Variants in FYN observed in about 807,000 individuals in gnomAD.
The protein encoded by FYN is tyrosine-protein kinase Fyn.
In FYN, 10 loss-of-function variants were observed where a neutral mutation model predicts 70.2. The observed-to-expected ratio is 0.14, with a 90% confidence interval of 0.09 to 0.24. The LOEUF (loss-of-function observed/expected upper bound fraction) is 0.24, where lower values mean the gene tolerates loss of function less well. Among genes scored for constraint, FYN ranks in the 10% least tolerant of loss-of-function variants. The pLI is 1.00. For synonymous variants in FYN, 236 were observed against 248.6 expected, an observed-to-expected ratio of 0.95 and a Z score of 0.48; for missense variants, 319 against 673.1, an observed-to-expected ratio of 0.47 and a Z score of 5.82.
chr6:111,679,858 A>T (rs1447705787), intron 12 of FYN, among the ~76,000 whole-genome samples: 1 of 152,114 alleles, frequency 6.6e-6, no homozygotes, highest in African/African-American at 2.4e-5. Context: ...CTCTGAGGAC[A>T]AGGGGGCCCA....
At chr6:111,811,709 TTGTAGCC>T (rs1562530050) in intron 2 of FYN, among the ~76,000 whole-genome samples, 1 of 152,278 alleles carries the variant, frequency 6.6e-6, no homozygotes, top group East Asian at 1.9e-4. Flanking sequence ...AACCTACAAG[TTGTAGCC>T]TGGTTTAAAA....
At chr6:111,691,603 C>T (rs1039612396) in intron 12 of FYN, among the ~76,000 whole-genome samples, 1 of 152,138 alleles carries the variant, frequency 6.6e-6, no homozygotes, top group African/African-American at 2.4e-5. Context: ...CTTTCTGCCT[C>T]GTAAAGCAGC....
At chr6:111,813,645 C>G (rs1772395478) in intron 2 of FYN, among the ~76,000 whole-genome samples, 1 of 152,176 alleles carries the variant, frequency 6.6e-6, no homozygotes, top group Non-Finnish European at 1.5e-5. Context: ...CTTAAATCAG[C>G]TACTTTACCT....
At chr6:111,678,108 ATGTGTGTGTGTGTGTGTGTGTG>A (rs57015847) in intron 12 of FYN, among the ~76,000 whole-genome samples, 1 of 93,924 alleles carries the variant, frequency 1.1e-5, no homozygotes. Flanking sequence ...AGGCCATAAT[ATGTGTGTGTGTGTGTGTGTGTG>A]TGTGTGTGTG....
chr6:111,713,123 G>A (rs537587202), intron 5 of FYN, among the ~76,000 whole-genome samples: 12 of 152,182 alleles, frequency 7.9e-5, no homozygotes, highest in South Asian at 2.1e-4. Context: ...GAAGAGAGTC[G>A]TTGGCCCTTT....
At chr6:111,721,387 G>A (rs1443467593) in intron 3 of FYN, among the ~76,000 whole-genome samples, 1 of 152,204 alleles carries the variant, frequency 6.6e-6, no homozygotes, top group East Asian at 1.9e-4. Context: ...TGAAGATTCT[G>A]TAGCCTATTA....
At chr6:111,808,087 G>A (rs1240930312) in intron 2 of FYN, among the ~76,000 whole-genome samples, 3 of 151,966 alleles carry the variant, frequency 2.0e-5, no homozygotes, top group African/African-American at 7.2e-5. Context: ...CAGCCTGGGC[G>A]ATAGAGCAAC....
intron 8 of FYN, chr6:111,702,638 C>T (rs1799893997): frequency 8.2e-6 from 3 of 365,204 alleles, no homozygotes; most frequent in African/African-American, 6.3e-5. Flanking sequence ...TAACCTATTG[C>T]TTTCTACTTG....
chr6:111,679,658 C>T (rs1287709759), intron 12 of FYN, among the ~76,000 whole-genome samples: 1 of 152,096 alleles, frequency 6.6e-6, no homozygotes, highest in Non-Finnish European at 1.5e-5. Flanking sequence ...GGTGACAGCA[C>T]CAGTGTCACT....
chr6:111,693,210 AGAG>A (rs1169630046), intron 12 of FYN, among the ~76,000 whole-genome samples: 1 of 152,202 alleles, frequency 6.6e-6, no homozygotes, highest in Non-Finnish European at 1.5e-5. Context: ...GAAAGAATCA[AGAG>A]GAGGAGGAAC....
chr6:111,671,121 T>G (rs1349174922), intron 13 of FYN, among the ~76,000 whole-genome samples: 6 of 152,248 alleles, frequency 3.9e-5, no homozygotes, highest in Non-Finnish European at 8.8e-5. Context: ...CTTCCTCATC[T>G]GGTAAGGTGA....
intron 3 of FYN, among the ~76,000 whole-genome samples, chr6:111,764,216 CA>C (rs11409465): frequency 2.9e-4 from 17 of 58,384 alleles, no homozygotes; most frequent in South Asian, 1.6e-3. Context: ...TTTTGTCAAG[CA>C]AAAAAAAAAA....
chr6:111,686,887 A>G (rs1360310101), intron 12 of FYN, among the ~76,000 whole-genome samples: 1 of 151,154 alleles, frequency 6.6e-6, no homozygotes, highest in Non-Finnish European at 1.5e-5. Context: ...CTCTGAGTCT[A>G]ATAATCCCCA....
chr6:111,710,123 C>G (rs1222416613), intron 5 of FYN, among the ~76,000 whole-genome samples: 1 of 152,192 alleles, frequency 6.6e-6, no homozygotes, highest in Non-Finnish European at 1.5e-5. Context: ...CCTCCACCCT[C>G]TCCCGCCCAG....
At chr6:111,663,381 G>A (rs143330931) in intron 13 of FYN, among the ~76,000 whole-genome samples, 127 of 152,330 alleles carry the variant, frequency 8.3e-4, no homozygotes, top group African/African-American at 2.9e-3. Context: ...AGCCAGAGGC[G>A]CTGGGCCAGA....
intron 2 of FYN, among the ~76,000 whole-genome samples, chr6:111,817,556 T>G (rs1231874234): frequency 5.9e-5 from 9 of 152,214 alleles, no homozygotes; most frequent in Non-Finnish European, 1.0e-4. Context: ...TTTGACTTTC[T>G]CTGTCCACAG....
chr6:111,735,827 C>T (rs1024655756), intron 3 of FYN, among the ~76,000 whole-genome samples: 1 of 152,178 alleles, frequency 6.6e-6, no homozygotes, highest in African/African-American at 2.4e-5. Flanking sequence ...TGTGGCAAAG[C>T]CGTAGCTTTT....
At chr6:111,768,206 T>C (rs142874666) in intron 3 of FYN, among the ~76,000 whole-genome samples, 92 of 152,370 alleles carry the variant, frequency 6.0e-4, no homozygotes, top group African/African-American at 2.1e-3. Flanking sequence ...TTGTTGGATA[T>C]GGTTCTTATC....
chr6:111,665,995 C>CTTTTTTTTTTT (rs991104460), intron 13 of FYN, among the ~76,000 whole-genome samples: 4 of 89,050 alleles, frequency 4.5e-5, no homozygotes, highest in Admixed American at 1.4e-4. Flanking sequence ...CCTTTTTCTC[C>CTTTTTTTTTTT]TTTTTTTTTT....
Sources: gnomAD v4.1 joint callset for allele counts (sites outside exome capture counted in the v4.1 genomes callset) on GRCh38, gnomAD v4.1.1 for gene constraint, MANE v1.5 for transcripts, NCBI Gene and HGNC (gene_info 2026-07-23, HGNC 2026-07-21) for gene names.